Variants in SOX6 observed in about 807,000 individuals in gnomAD.
SOX6 encodes the protein transcription factor SOX-6.
In SOX6, 11 loss-of-function variants were observed where a neutral mutation model predicts 97.8. The ratio of observed to expected loss-of-function variants is 0.11; its 90% CI spans 0.07 to 0.19. The LOEUF is 0.19. SOX6 is among the 10% of genes least tolerant of loss of function. SOX6 has a pLI of 1.00. For missense variants in SOX6, 810 were observed against 1,039.5 expected (o/e 0.78, Z 3.04); for synonymous variants, 360 against 371.4 (o/e 0.97, Z 0.35).
chr11:16,581,975 A>G lies in SOX6; in HGVS notation n.609+30106T>C, dbSNP rs188751162. Among the ~76,000 whole-genome samples, 210 of 151,426 alleles carry G rather than the reference A, an allele frequency of 1.4e-3. 3 individuals are homozygous for G. In the East Asian group the frequency reaches 0.016, roughly 11 times the overall value. On this transcript the variant is annotated intron_variant and non_coding_transcript_variant, in intron 4 of 5. Transcript: ENST00000524520. ...GACTCCATCTCAAAAAAAAAAAAAA[A>G]AAGAAGAAGAAGAATGAAATCATGT...
chr11:16,106,532 T>C (rs988318237), intron 7 of SOX6, among the ~76,000 whole-genome samples: 1 of 151,992 alleles, frequency 6.6e-6, no homozygotes, highest in African/African-American at 2.4e-5. Flanking sequence ...TGGACATCCA[T>C]GTGCAAAAGA....
upstream of SOX6, among the ~76,000 whole-genome samples, chr11:16,478,161 T>G (rs1852938530): frequency 6.6e-6 from 1 of 152,240 alleles, no homozygotes; most frequent in African/African-American, 2.4e-5. Flanking sequence ...ATGCTGTATA[T>G]CCAAAAGTCT....
At chr11:16,138,390 T>C (rs1850030952) in intron 6 of SOX6, among the ~76,000 whole-genome samples, 1 of 152,156 alleles carries the variant, frequency 6.6e-6, no homozygotes. Context: ...TTCACTTTTG[T>C]TATAACTGTC....
chr11:16,341,710 AAAG>A (rs1445469718), intron 1 of SOX6, among the ~76,000 whole-genome samples: 1 of 152,086 alleles, frequency 6.6e-6, no homozygotes. Context: ...TGTAGGAGCA[AAAG>A]AAGGGGGATA....
chr11:16,305,697 G>A (rs1855408450), intron 3 of SOX6, among the ~76,000 whole-genome samples: 1 of 152,106 alleles, frequency 6.6e-6, no homozygotes, highest in African/African-American at 2.4e-5. Context: ...TTATACATAT[G>A]ATGCATACCA....
At chr11:16,196,016 T>C (rs921356596) in intron 4 of SOX6, among the ~76,000 whole-genome samples, 2 of 152,158 alleles carry the variant, frequency 1.3e-5, no homozygotes, top group Non-Finnish European at 2.9e-5. Context: ...ACATACCACA[T>C]ACTGTGCCCA....
chr11:16,442,972 G>C (rs1278364982), intron 1 of SOX6, among the ~76,000 whole-genome samples: 16 of 151,626 alleles, frequency 1.1e-4, no homozygotes. Flanking sequence ...TTTTTTTTCA[G>C]CCCAATCCTT....
In SOX6 at chr11:16,281,931, C is replaced by A. The variant is rs1482959339; in HGVS notation, c.445+36515G>T. Among the ~76,000 whole-genome samples the A allele has an allele frequency of 6.0e-5, 9 of 149,112 alleles. No individual in the cohort carries two copies. In the East Asian group the frequency reaches 1.6e-3, roughly 26 times the overall value. ...TAAAAGCAAGTTACATAATATTAGA[C>A]AAGTTATATACACAAGTTATTATAT... On this transcript the variant is annotated intron_variant, in intron 3 of 15. Transcript: ENST00000683767.
At chr11:15,977,107 A>AC (rs1376962266) in intron 15 of SOX6, among the ~76,000 whole-genome samples, 1 of 150,932 alleles carries the variant, frequency 6.6e-6, no homozygotes, top group Non-Finnish European at 1.5e-5. Context: ...ACCTTTATCT[A>AC]CCCCCTGCCT....
intron 4 of SOX6, among the ~76,000 whole-genome samples, chr11:16,206,628 T>C (rs1320487240): frequency 6.6e-5 from 10 of 152,180 alleles, no homozygotes; most frequent in South Asian, 2.1e-4. Context: ...AGTTAATACA[T>C]GTGAAGCACT....
intron 4 of SOX6, among the ~76,000 whole-genome samples, chr11:16,195,776 T>C (rs1343708730): frequency 6.6e-6 from 1 of 152,150 alleles, no homozygotes; most frequent in Non-Finnish European, 1.5e-5. Flanking sequence ...TCTCCGGCAT[T>C]CTCCAGCATT....
chr11:16,511,184 A>T (rs1860875077), intron 4 of SOX6, among the ~76,000 whole-genome samples: 2 of 152,162 alleles, frequency 1.3e-5, no homozygotes, highest in Non-Finnish European at 2.9e-5. Context: ...AGTATTTTTT[A>T]CCTTAAAAAT....
At chr11:16,340,354 T>A (rs1052508150) in intron 2 of SOX6, among the ~76,000 whole-genome samples, 6 of 152,110 alleles carry the variant, frequency 3.9e-5, no homozygotes, top group African/African-American at 7.2e-5. Flanking sequence ...AGATAATTAA[T>A]GTCACTGACT....
chr11:16,235,391 C>A (rs1161574954), intron 3 of SOX6, among the ~76,000 whole-genome samples: 1 of 151,954 alleles, frequency 6.6e-6, no homozygotes, highest in African/African-American at 2.4e-5. Context: ...CTACAGAAAT[C>A]CAAACTTTAG....
At chr11:16,183,745 T>C (rs1431437869) in intron 6 of SOX6, 141 bp downstream of exon 6, 2 of 709,838 alleles carry the variant, frequency 2.8e-6, no homozygotes, top group African/African-American at 3.5e-5. Flanking sequence ...CATTCAATTA[T>C]AGAATTGTGC....
intron 4 of SOX6, among the ~76,000 whole-genome samples, chr11:16,601,124 G>T (rs1480360606): frequency 6.6e-6 from 1 of 152,104 alleles, no homozygotes; most frequent in Non-Finnish European, 1.5e-5. Flanking sequence ...CCTCTAAACA[G>T]CAGTGAATGT....
At chr11:16,408,306 CAA>C (rs35230581) in intron 1 of SOX6, among the ~76,000 whole-genome samples, 47,167 of 151,912 alleles carry the variant, frequency 0.31, 8,271 homozygotes, top group Non-Finnish European at 0.39. Context: ...GACAGAGAGG[CAA>C]AGAGAAACAA....
At chr11:16,640,645 G>GT (rs1848894795) in intron 3 of SOX6, among the ~76,000 whole-genome samples, 1 of 152,136 alleles carries the variant, frequency 6.6e-6, no homozygotes, top group Admixed American at 6.5e-5. Context: ...TTGGGAGGGC[G>GT]TATGTGTCGA....
At chr11:16,144,703 C>T (rs1850242829) in intron 6 of SOX6, among the ~76,000 whole-genome samples, 1 of 152,208 alleles carries the variant, frequency 6.6e-6, no homozygotes, top group Non-Finnish European at 1.5e-5. Flanking sequence ...AAACTACCAT[C>T]AGAGAATATT....
Sources: allele counts gnomAD v4.1 joint callset (sites outside exome capture counted in the v4.1 genomes callset), GRCh38; gene constraint gnomAD v4.1.1; transcripts MANE v1.5; gene names NCBI Gene and HGNC (gene_info 2026-07-23, HGNC 2026-07-21).